Variants in NSMCE1 observed in about 807,000 individuals in gnomAD.
NSMCE1 encodes the protein non-structural maintenance of chromosomes element 1 homolog.
NSMCE1 carries 18 observed loss-of-function variants against 29.6 expected under a neutral mutation model. The ratio of observed to expected loss-of-function variants is 0.61; its 90% CI spans 0.42 to 0.90. NSMCE1 has a LOEUF of 0.90. NSMCE1 is among the 40% of genes least tolerant of loss of function. NSMCE1 has a pLI of 0.00. For missense variants in NSMCE1, 314 were observed against 343.6 expected, an observed-to-expected ratio of 0.91 and a Z score of 0.68; for synonymous variants, 124 against 133.4, an observed-to-expected ratio of 0.93 and a Z score of 0.49.
intron 2 of NSMCE1, among the ~76,000 whole-genome samples, chr16:27,239,905 A>G (rs1204437713): frequency 1.3e-5 from 2 of 152,196 alleles, no homozygotes; most frequent in Non-Finnish European, 2.9e-5. Context: ...AGCTCATGTT[A>G]GGCTAAAATC....
At chr16:27,251,358 G>A (rs1361948252) in intron 2 of NSMCE1, among the ~76,000 whole-genome samples, 3 of 151,266 alleles carry the variant, frequency 2.0e-5, no homozygotes, top group East Asian at 1.9e-4. Flanking sequence ...TACTTTTTCT[G>A]TACCTATTGA....
At chr16:27,248,406 CTTTTTTTT>C (rs756697569) in intron 2 of NSMCE1, among the ~76,000 whole-genome samples, 10 of 84,770 alleles carry the variant, frequency 1.2e-4, no homozygotes, top group African/African-American at 4.8e-4. Context: ...TTTTAGTTTG[CTTTTTTTT>C]TTTTTTTTTT....
intron 2 of NSMCE1, among the ~76,000 whole-genome samples, chr16:27,250,646 CG>C (rs2084016330): frequency 6.6e-6 from 1 of 151,006 alleles, no homozygotes; most frequent in African/African-American, 2.4e-5. Flanking sequence ...AACAAAAATT[CG>C]TCGGGCGTGG....
chr16:27,237,868 T>C (rs938208733), intron 2 of NSMCE1, among the ~76,000 whole-genome samples: 1 of 152,164 alleles, frequency 6.6e-6, no homozygotes, highest in Non-Finnish European at 1.5e-5. Context: ...TATTTTCATC[T>C]GACCAACCAC....
At position 27,232,191 on chromosome 16, in the gene NSMCE1, G is replaced by A. The variant is rs746852523; in HGVS notation, c.483+810C>T. Reference sequence around the variant, plus strand: ...GAGTCCGACCACCAAGTGAGGAAGCGGGGACCCGGCGTGAGTGCGTCCTCA... The same window carrying A: ...GAGTCCGACCACCAAGTGAGGAAGCAGGGACCCGGCGTGAGTGCGTCCTCA... On this transcript the variant is annotated intron_variant, in intron 5 of 7. Transcript: ENST00000361439. The surrounding 1 kb of genome is among the most constrained non-coding windows in gnomAD (Gnocchi z 4.5). 1.4e-4 allele frequency among the ~76,000 whole-genome samples: 21 copies of A among 152,320 alleles called. No homozygotes were observed. The highest frequency in any genetic ancestry group is 3.1e-4 in the African/African-American group (13 of 41,564).
chr16:27,241,118 C>A (rs2083889060), intron 2 of NSMCE1, among the ~76,000 whole-genome samples: 1 of 152,138 alleles, frequency 6.6e-6, no homozygotes, highest in African/African-American at 2.4e-5. Flanking sequence ...TGTAATGTTA[C>A]CAATGAGCCT....
In NSMCE1 at chr16:27,253,747, T is replaced by C. The variant is rs545693400; in HGVS notation, c.136+3688A>G. On this transcript the variant is annotated intron_variant, in intron 2 of 7. Coordinates refer to ENST00000361439, the MANE Select transcript of NSMCE1 (RefSeq NM_145080.4). The stretch of plus-strand genomic sequence containing the variant: ...TCCCTAGCACAGAGGCCTGGCTCAC[T>C]TGAGATTCTAGGGAAGCTTTGCTGG... 5.9e-5 allele frequency among the ~76,000 whole-genome samples: 9 copies of C among 152,330 alleles called. No homozygotes were observed. In the South Asian group the frequency reaches 1.7e-3, roughly 28 times the overall value.
At chr16:27,245,244 A>G (rs2083943158) in intron 2 of NSMCE1, among the ~76,000 whole-genome samples, 1 of 152,230 alleles carries the variant, frequency 6.6e-6, no homozygotes, top group Non-Finnish European at 1.5e-5. Context: ...CAGAAAAGTA[A>G]AAGAACTTTC....
At chr16:27,254,094 A>G (rs1252416492) in intron 2 of NSMCE1, among the ~76,000 whole-genome samples, 1 of 152,222 alleles carries the variant, frequency 6.6e-6, no homozygotes, top group Non-Finnish European at 1.5e-5. Context: ...ATATTTTTCT[A>G]TTTGGTACAA....
chr16:27,253,649 A>T (rs561885822), intron 2 of NSMCE1, among the ~76,000 whole-genome samples: 4 of 152,148 alleles, frequency 2.6e-5, no homozygotes, highest in Non-Finnish European at 4.4e-5. Flanking sequence ...CCTATATTGG[A>T]ATCATCTGAC....
At chr16:27,250,314 T>C (rs1193994318) in intron 2 of NSMCE1, among the ~76,000 whole-genome samples, 1 of 152,356 alleles carries the variant, frequency 6.6e-6, no homozygotes, top group East Asian at 1.9e-4. Flanking sequence ...TTCTTGTCTT[T>C]CTCCTGAGAT....
At chr16:27,259,825 ACTGCCGGCTGCCATCACAATGG>A (rs2084135027) in intron 1 of NSMCE1, among the ~76,000 whole-genome samples, 1 of 152,200 alleles carries the variant, frequency 6.6e-6, no homozygotes, top group Non-Finnish European at 1.5e-5. Context: ...CAACAAGTAG[ACTGCCGGCTGCCATCACAATGG>A]CAACAATGGA....
intron 2 of NSMCE1, among the ~76,000 whole-genome samples, chr16:27,255,468 T>G (rs748722154): frequency 7.9e-5 from 12 of 152,140 alleles, no homozygotes; most frequent in Non-Finnish European, 1.5e-4. Context: ...TTCCCACACA[T>G]CATATATTCT....
chr16:27,226,121 T>A, intron 6 of NSMCE1: 1 of 338,220 alleles, frequency 3.0e-6, no homozygotes, highest in Non-Finnish European at 5.5e-6. Flanking sequence ...ATCCTGCAGG[T>A]GGCGTGTGGA....
chr16:27,229,310 G>A (rs2083738962), intron 5 of NSMCE1, among the ~76,000 whole-genome samples: 1 of 152,210 alleles, frequency 6.6e-6, no homozygotes, highest in Non-Finnish European at 1.5e-5. Context: ...ATAAAGCCAT[G>A]TTTCCTTTCC....
Position 27,248,406 on chromosome 16 carries a change from C to CTTTTTTT in NSMCE1, c.136+9022_136+9028dup, listed in dbSNP as rs756697569. On this transcript the variant is annotated intron_variant, in intron 2 of 7. Transcript: ENST00000361439. ...GGTAGCTCACTGCGGTTTTAGTTTG[C>CTTTTTTT]TTTTTTTTTTTTTTTTTTTTTTTGA... 1.8e-4 allele frequency among the ~76,000 whole-genome samples: 15 copies of CTTTTTTT among 84,770 alleles called. 1 individual carries two copies. Among genetic ancestry groups the CTTTTTTT allele is most frequent in the East Asian group, 3.8e-4 (1 of 2,598 alleles). The allele number at this position is 84,770 out of a possible 152,430, so 55.6% of individuals were successfully genotyped here.
At chr16:27,266,936 G>A (rs2084232582) in intron 1 of NSMCE1, among the ~76,000 whole-genome samples, 1 of 151,766 alleles carries the variant, frequency 6.6e-6, no homozygotes, top group Non-Finnish European at 1.5e-5. Flanking sequence ...AAAGAAAAAA[G>A]GAGAAAAAAA....
intron 2 of NSMCE1, among the ~76,000 whole-genome samples, chr16:27,244,028 T>A (rs4410081): frequency 6.6e-6 from 1 of 152,058 alleles, no homozygotes; most frequent in African/African-American, 2.4e-5. Flanking sequence ...ACCAATCACA[T>A]AGGACGCCCC....
intron 2 of NSMCE1, among the ~76,000 whole-genome samples, chr16:27,252,641 G>A (rs1020387768): frequency 2.0e-5 from 3 of 152,178 alleles, no homozygotes; most frequent in Admixed American, 6.5e-5. Flanking sequence ...AAACTTAGCC[G>A]GGCGCGGTGG....
Sources: gnomAD v4.1 joint callset for allele counts (sites outside exome capture counted in the v4.1 genomes callset) on GRCh38, gnomAD v4.1.1 for gene constraint, Gnocchi (gnomAD v3.1) non-coding constraint, MANE v1.5 for transcripts, NCBI Gene and HGNC (gene_info 2026-07-23, HGNC 2026-07-21) for gene names.